Variants in ANKRD17 observed in about 807,000 individuals in gnomAD.
The protein encoded by ANKRD17 is ankyrin repeat domain 17.
Under a neutral mutation model 229.7 loss-of-function variants are expected in ANKRD17, and 19 were observed. The observed-to-expected ratio is 0.08, with a 90% CI of 0.06 to 0.12. The LOEUF (loss-of-function observed/expected upper bound fraction) is 0.12. ANKRD17 is among the 10% of genes least tolerant of loss of function. The pLI, the probability that ANKRD17 is intolerant of heterozygous loss-of-function variation, is 1.00. For missense variants in ANKRD17, 2,176 were observed against 3,176.8 expected, an observed-to-expected ratio of 0.68 and a Z score of 7.57; for synonymous variants, 1,112 against 1,146.1, an observed-to-expected ratio of 0.97 and a Z score of 0.60.
intron 7 of ANKRD17, among the ~76,000 whole-genome samples, chr4:73,150,835 C>A (rs964702230): frequency 6.6e-6 from 1 of 151,980 alleles, no homozygotes; most frequent in Admixed American, 6.6e-5. Context: ...GAGCCATTCC[C>A]GAATACAAAC....
rs950197079 is a variant in ANKRD17 at position 73,077,098 on chromosome 4, G to T, written c.7594C>A (p.Pro2532Thr). 1 of 1,569,602 alleles carries T rather than the reference G, an allele frequency of 6.4e-7. No individual in the cohort carries two copies. The highest frequency in any genetic ancestry group is 8.6e-7 in the Non-Finnish European group (1 of 1,160,634). The change falls in exon 33 of 34, where the codon CCT (proline) becomes ACT (threonine). Residue 2532 changes from proline (P) to threonine (T), a missense_variant. Coordinates refer to ENST00000358602, the MANE Select transcript of ANKRD17 (RefSeq NM_032217.5). ...YMDFPKVGGM[P>T]FSVYGNAMIP... ...ATTGCATTCCCATACACAGAAAAAGGCATACCCTTAAAAAAGGAAAACACA... is the reference window on the plus strand; with the variant it reads ...ATTGCATTCCCATACACAGAAAAAGTCATACCCTTAAAAAAGGAAAACACA...
rs147686684 is a variant in ANKRD17, at chr4:73,157,595, G to A, written c.705-1429C>T. Among the ~76,000 whole-genome samples, 77 of 151,660 alleles carry A rather than the reference G, an allele frequency of 5.1e-4. 1 individual carries two copies. In the East Asian group the frequency reaches 6.6e-3, roughly 13 times the overall value. ...TATTTTATTATCCTCTTAAAATATGGCCCTTTCATTTCAGATACTAAAGGC... is the reference window on the plus strand; with the variant it reads ...TATTTTATTATCCTCTTAAAATATGACCCTTTCATTTCAGATACTAAAGGC... On this transcript the variant is annotated intron_variant, in intron 3 of 33. Transcript: ENST00000358602.
chr4:73,228,049 A>AG (rs1033280111), intron 1 of ANKRD17, among the ~76,000 whole-genome samples: 13 of 152,128 alleles, frequency 8.5e-5, no homozygotes, highest in African/African-American at 2.4e-4. Flanking sequence ...ATAAACTACT[A>AG]GAAAAAAAAC....
Position 73,074,609 on chromosome 4 carries a change from C to G in ANKRD17, c.*1622G>C, listed in dbSNP as rs1222563463. 1.3e-5 allele frequency: 2 copies of G among 151,812 alleles called. No individual in the cohort carries two copies. Among genetic ancestry groups the G allele is most frequent in the Non-Finnish European group, 2.9e-5 (2 of 67,806 alleles). The allele number at this position is 151,812 out of a possible 1,614,324, so 9.4% of individuals were successfully genotyped here. The stretch of plus-strand genomic sequence containing the variant: ...ATGTTTGAGAAGTCATCTTTTTACT[C>G]TTTACTCAGGCTTTACTCTTTACTC... On this transcript the variant is annotated 3_prime_UTR_variant, in exon 34 of 34. Coordinates refer to ENST00000358602, the MANE Select transcript of ANKRD17 (RefSeq NM_032217.5).
Position 73,102,528 on chromosome 4 carries a change from C to G in ANKRD17, c.4421G>C (p.Arg1474Thr). ...DLEKLREESR[R>T]LALAAKREKR... ...TTCTCTTTTCGCAGCCAAAGCCAGC[C>G]TCCGACTTTCTTCCCTTAACTGTTA... The change falls in exon 25 of 34, where the codon AGG (arginine) becomes ACG (threonine). Residue 1474 changes from arginine (R) to threonine (T), a missense_variant. Transcript: ENST00000358602. 1 of 1,599,204 alleles carries G rather than the reference C, an allele frequency of 6.3e-7. No individual in the cohort carries two copies. Among genetic ancestry groups the G allele is most frequent in the Non-Finnish European group, 8.5e-7 (1 of 1,177,118 alleles).
chr4:73,237,010 T>C (rs1487910467), intron 1 of ANKRD17, among the ~76,000 whole-genome samples: 2 of 152,196 alleles, frequency 1.3e-5, no homozygotes, highest in East Asian at 3.8e-4. Context: ...GAATTAAATG[T>C]AATTTTTGTC....
In ANKRD17 at chr4:73,141,843, C is replaced by A. The variant is rs770427383; in HGVS notation, c.2230G>T (p.Ala744Ser). Residue 744 changes from alanine to serine, a missense_variant and splice_region_variant, in exon 14 of 34, where the codon GCT becomes TCT. By Grantham distance (99) the Ala-to-Ser change is moderately conservative. This residue lies in a region of ANKRD17 where 275 missense variants were observed against 386.9 expected (regional missense o/e 0.71). Coordinates refer to ENST00000358602, the MANE Select transcript of ANKRD17 (RefSeq NM_032217.5). The part of the protein sequence containing the change: ...LTPPSHDLNR[A>S]PRVPVQALPM... ...AGTGCTTGAACTGGTACACGAGGAGCCTAAGACAAAGGACACTAAGTGACT... is the reference window on the plus strand; with the variant it reads ...AGTGCTTGAACTGGTACACGAGGAGACTAAGACAAAGGACACTAAGTGACT... 6 of 1,612,838 alleles carry A rather than the reference C, an allele frequency of 3.7e-6. No homozygotes were observed. The highest frequency in any genetic ancestry group is 2.2e-5 in the South Asian group (2 of 90,950).
chr4:73,233,530 T>C (rs1356201710), intron 1 of ANKRD17, among the ~76,000 whole-genome samples: 5 of 152,186 alleles, frequency 3.3e-5, no homozygotes, highest in Admixed American at 6.5e-5. Context: ...TCCAGACTAA[T>C]AGAACTTGAA....
At chr4:73,165,582 C>T (rs1232756736) in intron 2 of ANKRD17, among the ~76,000 whole-genome samples, 1 of 152,142 alleles carries the variant, frequency 6.6e-6, no homozygotes, top group Non-Finnish European at 1.5e-5. Context: ...ATGTACACAT[C>T]CTACAACCTT....
Position 73,098,365 on chromosome 4 carries a change from T to C in ANKRD17, c.4729A>G (p.Thr1577Ala), listed in dbSNP as rs1723552761. Reference sequence around the variant, plus strand: ...AATATAATTTGAACGTTTTCTGGAGTAATTTTATTTTTCCTGTTTTTCCTC... The same window carrying C: ...AATATAATTTGAACGTTTTCTGGAGCAATTTTATTTTTCCTGTTTTTCCTC... ...SKRKNRKNKI[T>A]PENVQIIFDD... is the part of the protein sequence containing the mutation. Residue 1577 changes from threonine to alanine, a missense_variant, in exon 26 of 34, where the codon ACT (threonine) becomes GCT (alanine). Around this residue, in one of 18 missense-constraint regions of ANKRD17, gnomAD observed 105 missense variants for 118.3 expected, o/e 0.89. Transcript: ENST00000358602. 3.7e-6 allele frequency: 6 copies of C among 1,614,160 alleles called. No individual in the cohort carries two copies. The highest frequency in any genetic ancestry group is 5.1e-6 in the Non-Finnish European group (6 of 1,180,022).
rs529510955 is a variant in ANKRD17 at position 73,213,779 on chromosome 4, C to T, written c.394-36246G>A. On this transcript the variant is annotated intron_variant, in intron 1 of 33. Transcript: ENST00000358602. The stretch of plus-strand genomic sequence containing the variant: ...CTCTATATGAAGAAATTTGAAAAAC[C>T]TTAGTTTTTAAATAGAGGAAGATCT... Among the ~76,000 whole-genome samples the T allele has an allele frequency of 2.0e-5, 3 of 151,540 alleles. No individual in the cohort carries two copies. The East Asian group carries it at 5.8e-4, about 29-fold the overall frequency.
chr4:73,256,392 C>T (rs542725208), intron 1 of ANKRD17, among the ~76,000 whole-genome samples: 14 of 152,126 alleles, frequency 9.2e-5, no homozygotes, highest in African/African-American at 1.2e-4. Context: ...AATAGTTTCA[C>T]GAGAATTTAA....
intron 1 of ANKRD17, among the ~76,000 whole-genome samples, chr4:73,191,726 G>A (rs1382861794): frequency 6.6e-6 from 1 of 151,768 alleles, no homozygotes; most frequent in Non-Finnish European, 1.5e-5. Flanking sequence ...CAATTCATAG[G>A]ATAAATACGA....
intron 7 of ANKRD17, 91 bp downstream of exon 7, chr4:73,151,339 A>G: frequency 8.9e-7 from 1 of 1,124,322 alleles, no homozygotes; most frequent in South Asian, 1.4e-5. Flanking sequence ...AAACAGAATC[A>G]TAGCACCCAT....
intron 24 of ANKRD17, among the ~76,000 whole-genome samples, chr4:73,110,454 CA>C (rs1357071923): frequency 6.6e-6 from 1 of 152,140 alleles, no homozygotes; most frequent in Non-Finnish European, 1.5e-5. Context: ...AAGCATGTAC[CA>C]CCATGCCCAG....
intron 15 of ANKRD17, among the ~76,000 whole-genome samples, chr4:73,137,356 A>G (rs562792559): frequency 5.9e-5 from 9 of 152,320 alleles, no homozygotes; most frequent in Admixed American, 1.3e-4. Context: ...GCAAGTGTGA[A>G]GAACAGGAAA....
chr4:73,243,044 T>A (rs1317900552), intron 1 of ANKRD17, among the ~76,000 whole-genome samples: 1 of 151,634 alleles, frequency 6.6e-6, no homozygotes, highest in Admixed American at 6.6e-5. Context: ...AACTAAAGGA[T>A]GAGAAAAAAC....
At chr4:73,205,037 G>A (rs1376351772) in intron 1 of ANKRD17, among the ~76,000 whole-genome samples, 2 of 152,078 alleles carry the variant, frequency 1.3e-5, no homozygotes, top group Admixed American at 6.5e-5. Context: ...AAGCAGCCCA[G>A]GCAGGGTGGC....
intron 7 of ANKRD17, among the ~76,000 whole-genome samples, chr4:73,149,778 T>G (rs752443011): frequency 6.6e-6 from 1 of 152,056 alleles, no homozygotes; most frequent in Non-Finnish European, 1.5e-5. Flanking sequence ...GGAGGGAGGA[T>G]CATTTGAGCT....
Sources: allele counts gnomAD v4.1 joint callset (sites outside exome capture counted in the v4.1 genomes callset), GRCh38; gene constraint gnomAD v4.1.1; regional missense constraint gnomAD v4.1.1; transcripts MANE v1.5; gene names NCBI Gene and HGNC (gene_info 2026-07-23, HGNC 2026-07-21).